The following GALNT13 variants were observed in gnomAD, a reference collection of about 807,000 sequenced individuals.
GALNT13 encodes polypeptide N-acetylgalactosaminyltransferase 13.
GALNT13 carries 28 observed loss-of-function variants against 64.2 expected under a neutral mutation model. That is an observed-to-expected ratio of 0.44 (90% confidence interval 0.32 to 0.60). GALNT13 has a LOEUF of 0.60. Among genes scored for constraint, GALNT13 ranks in the 20% least tolerant of loss-of-function variants. GALNT13 has a pLI of 0.05. For synonymous variants in GALNT13, 214 were observed against 224.6 expected (o/e 0.95, Z 0.42); for missense variants, 577 against 669.8 (o/e 0.86, Z 1.53).
At chr2:153,335,692 A>G in the GALNT13 span, among the ~76,000 whole-genome samples, 2 of 152,246 alleles carry the variant, frequency 1.3e-5, no homozygotes, top group Non-Finnish European at 2.9e-5. Context: ...ACTATGCAAT[A>G]GAGAAGAAAA....
At chr2:153,631,309 C>T in the GALNT13 span, among the ~76,000 whole-genome samples, 5 of 152,210 alleles carry the variant, frequency 3.3e-5, no homozygotes, top group South Asian at 2.1e-4. Context: ...GATTTATAAT[C>T]GTTTGGGTAT....
At chr2:154,250,180 G>A (rs1689994781) in intron 7 of GALNT13, among the ~76,000 whole-genome samples, 1 of 151,990 alleles carries the variant, frequency 6.6e-6, no homozygotes. Context: ...ATATGAATTA[G>A]GTTTTAAATT....
chr2:153,376,921 A>T, the GALNT13 span, among the ~76,000 whole-genome samples: 40 of 152,286 alleles, frequency 2.6e-4, no homozygotes, highest in African/African-American at 9.4e-4. Flanking sequence ...TAAGTACTTG[A>T]TACATTTTGT....
chr2:153,947,536 T>C (rs1691854619), intron 3 of GALNT13, among the ~76,000 whole-genome samples: 1 of 151,912 alleles, frequency 6.6e-6, no homozygotes, highest in South Asian at 2.1e-4. Flanking sequence ...GTGGTTTTTT[T>C]TTCTTGTAAA....
chr2:154,278,873 T>A (rs1184791349), intron 8 of GALNT13, among the ~76,000 whole-genome samples: 1 of 152,152 alleles, frequency 6.6e-6, no homozygotes, highest in Non-Finnish European at 1.5e-5. Flanking sequence ...ACTTTAAGGT[T>A]AAATATGAGC....
chr2:153,888,766 C>A (rs898069204), intron 1 of GALNT13, among the ~76,000 whole-genome samples: 30 of 152,022 alleles, frequency 2.0e-4, no homozygotes, highest in African/African-American at 6.8e-4. Flanking sequence ...CATGTACTCA[C>A]AGACAGACAA....
chr2:153,722,788 G>C, the GALNT13 span, among the ~76,000 whole-genome samples: 1 of 151,964 alleles, frequency 6.6e-6, no homozygotes, highest in Non-Finnish European at 1.5e-5. Context: ...CCAATAACAG[G>C]AGCTGAAATT....
At chr2:153,523,369 AT>A in the GALNT13 span, among the ~76,000 whole-genome samples, 1 of 152,170 alleles carries the variant, frequency 6.6e-6, no homozygotes, top group South Asian at 2.1e-4. Context: ...ACTTGCTGGA[AT>A]TTTGACTGGA....
chr2:153,214,009 T>C, the GALNT13 span, among the ~76,000 whole-genome samples: 3 of 152,200 alleles, frequency 2.0e-5, no homozygotes, highest in Non-Finnish European at 4.4e-5. Flanking sequence ...AAAAGGAATG[T>C]ACCTGTTTTC....
the GALNT13 span, among the ~76,000 whole-genome samples, chr2:153,632,289 C>T: frequency 1.3e-5 from 2 of 152,166 alleles, no homozygotes; most frequent in African/African-American, 4.8e-5. Context: ...CCCTAGCCCC[C>T]GCTGAGTTTC....
At chr2:153,213,333 C>T in the GALNT13 span, among the ~76,000 whole-genome samples, 3 of 152,192 alleles carry the variant, frequency 2.0e-5, no homozygotes, top group Admixed American at 6.5e-5. Context: ...CTGTCAATCT[C>T]ATGAAGAGCC....
chr2:154,293,304 A>T (rs891354553), intron 8 of GALNT13, among the ~76,000 whole-genome samples: 22 of 152,178 alleles, frequency 1.4e-4, no homozygotes, highest in African/African-American at 5.3e-4. Context: ...TCTAATTAGA[A>T]GCTAATAGAC....
At chr2:154,077,884 A>G (rs1701070817) in intron 3 of GALNT13, among the ~76,000 whole-genome samples, 2 of 151,568 alleles carry the variant, frequency 1.3e-5, no homozygotes, top group African/African-American at 4.8e-5. Flanking sequence ...AATATATCTT[A>G]GGAAATTTTA....
intron 10 of GALNT13, among the ~76,000 whole-genome samples, chr2:154,404,174 G>T (rs1699424700): frequency 6.6e-6 from 1 of 152,112 alleles, no homozygotes; most frequent in Non-Finnish European, 1.5e-5. Flanking sequence ...TGAAGGACAA[G>T]TAATATTACA....
At chr2:153,323,598 T>A in the GALNT13 span, among the ~76,000 whole-genome samples, 7 of 152,234 alleles carry the variant, frequency 4.6e-5, no homozygotes, top group African/African-American at 1.7e-4. Context: ...GCCTAGGTTT[T>A]CTTCTAGGGT....
chr2:153,478,110 G>T, the GALNT13 span: 1 of 769,374 alleles, frequency 1.3e-6, no homozygotes, highest in Non-Finnish European at 2.0e-6. Context: ...TTTCCGAAAG[G>T]CCGAAGTCGA....
the GALNT13 span, among the ~76,000 whole-genome samples, chr2:153,439,942 T>C: frequency 6.6e-6 from 1 of 152,202 alleles, no homozygotes; most frequent in South Asian, 2.1e-4. Flanking sequence ...GAGCTGTTCC[T>C]ATTCGGCCGT....
At chr2:153,535,778 A>T in the GALNT13 span, among the ~76,000 whole-genome samples, 1 of 152,204 alleles carries the variant, frequency 6.6e-6, no homozygotes, top group African/African-American at 2.4e-5. Flanking sequence ...ACCATAAGGC[A>T]TATAAAGGTT....
the GALNT13 span, among the ~76,000 whole-genome samples, chr2:153,518,469 G>C: frequency 6.6e-6 from 1 of 152,258 alleles, no homozygotes; most frequent in Non-Finnish European, 1.5e-5. Context: ...TTCTGAAGTA[G>C]AAATCCAAAA....
Sources: gnomAD v4.1 joint callset for allele counts (sites outside exome capture counted in the v4.1 genomes callset) on GRCh38, gnomAD v4.1.1 for gene constraint, MANE v1.5 for transcripts, NCBI Gene and HGNC (gene_info 2026-07-23, HGNC 2026-07-21) for gene names.